The following KMT2C variants were observed in gnomAD, a reference collection of about 807,000 sequenced individuals.
KMT2C encodes the protein lysine methyltransferase 2C.
Under a neutral mutation model 507.9 loss-of-function variants are expected in KMT2C, and 88 were observed. The ratio of observed to expected loss-of-function variants is 0.17; its 90% CI spans 0.15 to 0.21. KMT2C has a LOEUF of 0.21. Ranked by LOEUF, KMT2C falls within the 10% of genes least tolerant of loss-of-function variation. The probability of loss-of-function intolerance (pLI) is 1.00; values close to 1 mark genes in which losing one functional copy is unlikely to be tolerated. For missense variants in KMT2C, 4,954 were observed against 5,957.8 expected (o/e 0.83, Z 5.55); for synonymous variants, 2,049 against 2,080.8 (o/e 0.98, Z 0.42).
chr7:152,337,934 G>T (rs2096953163), intron 2 of KMT2C, among the ~76,000 whole-genome samples: 2 of 151,436 alleles, frequency 1.3e-5, no homozygotes, highest in Non-Finnish European at 1.5e-5. Context: ...TCAGCTCACT[G>T]AAAGCTCTGC....
intron 1 of KMT2C, among the ~76,000 whole-genome samples, chr7:152,369,923 A>T (rs979969529): frequency 1.3e-5 from 2 of 152,180 alleles, no homozygotes; most frequent in African/African-American, 4.8e-5. Flanking sequence ...CATTAAAATG[A>T]CAATAAGGTT....
chr7:152,431,223 GTAAC>G (rs2097859838), intron 1 of KMT2C, among the ~76,000 whole-genome samples: 1 of 151,924 alleles, frequency 6.6e-6, no homozygotes, highest in Non-Finnish European at 1.5e-5. Flanking sequence ...TTACATATTA[GTAAC>G]TAATATGTAA....
At chr7:152,325,666 G>A (rs1029721456) in intron 3 of KMT2C, among the ~76,000 whole-genome samples, 10 of 151,602 alleles carry the variant, frequency 6.6e-5, no homozygotes, top group South Asian at 2.1e-4. Flanking sequence ...GGCTGGTCTC[G>A]AACTCCTGGG....
At chr7:152,425,240 T>C (rs2097804574) in intron 1 of KMT2C, among the ~76,000 whole-genome samples, 1 of 152,078 alleles carries the variant, frequency 6.6e-6, no homozygotes, top group Non-Finnish European at 1.5e-5. Context: ...CTATTAATAG[T>C]TCTAATATTC....
At chr7:152,419,011 T>C (rs560888947) in intron 1 of KMT2C, among the ~76,000 whole-genome samples, 17 of 152,042 alleles carry the variant, frequency 1.1e-4, no homozygotes, top group African/African-American at 4.1e-4. Flanking sequence ...CTGGGTGACA[T>C]AGTGAGACGA....
At chr7:152,392,914 G>C (rs539847685) in intron 1 of KMT2C, among the ~76,000 whole-genome samples, 4 of 152,312 alleles carry the variant, frequency 2.6e-5, no homozygotes, top group Non-Finnish European at 5.9e-5. Context: ...GGGCAACATA[G>C]TGATATCTTG....
chr7:152,159,534 T>C (rs568618169), intron 43 of KMT2C, among the ~76,000 whole-genome samples: 1 of 152,270 alleles, frequency 6.6e-6, no homozygotes, highest in Admixed American at 6.5e-5. Flanking sequence ...CAGAAAAGCT[T>C]TACAGCCTAT....
chr7:152,366,669 G>T (rs1482156307), intron 1 of KMT2C: 1 of 155,378 alleles, frequency 6.4e-6, no homozygotes. Context: ...CTATGAAAAT[G>T]GATAGTGTCT....
chr7:152,284,440 T>A (rs1443254664), intron 6 of KMT2C, among the ~76,000 whole-genome samples: 1 of 152,140 alleles, frequency 6.6e-6, no homozygotes, highest in Non-Finnish European at 1.5e-5. Context: ...CAAATTCTTT[T>A]ATCATATGTG....
At position 152,250,922 on chromosome 7, in the gene KMT2C, C is replaced by G; in HGVS notation, c.1666G>C (p.Val556Leu). The change falls in exon 12 of 59, where the codon GTA becomes CTA. Residue 556 changes from valine to leucine, a missense_variant. By Grantham distance (32) the Val-to-Leu change is conservative. Coordinates refer to ENST00000262189, the MANE Select transcript of KMT2C (RefSeq NM_170606.3). ...MEVEGPEDQM[V>L]FSEQAANKDV... ...TTATTAGCTGCCTGCTCTGAGAATA[C>G]CATTTGATCTTCAGGGCCTTCAACT... is the stretch of plus-strand genomic sequence containing the variant. The G allele has an allele frequency of 1.2e-6, 2 of 1,610,502 alleles. No homozygotes were observed. The highest frequency in any genetic ancestry group is 1.7e-6 in the Non-Finnish European group (2 of 1,176,846).
intron 2 of KMT2C, among the ~76,000 whole-genome samples, chr7:152,347,053 G>A (rs1164843895): frequency 6.6e-6 from 1 of 152,186 alleles, no homozygotes; most frequent in African/African-American, 2.4e-5. Context: ...GAACCCGGAA[G>A]GCAGAGGCTG....
intron 1 of KMT2C, among the ~76,000 whole-genome samples, chr7:152,375,404 G>A (rs1180805786): frequency 1.4e-5 from 2 of 146,424 alleles, no homozygotes; most frequent in African/African-American, 5.1e-5. Context: ...TTTTTTTTTT[G>A]AGACGGAGTC....
Position 152,136,593 on chromosome 7 carries a change from G to T in KMT2C, c.*239C>A. The T allele has an allele frequency of 2.0e-6, 1 of 494,318 alleles. No individual in the cohort carries two copies. Among genetic ancestry groups the T allele is most frequent in the Non-Finnish European group, 3.6e-6 (1 of 277,660 alleles). 30.6% of individuals were successfully genotyped at this position (494,318 alleles called of 1,614,324 possible). On this transcript the variant is annotated 3_prime_UTR_variant, in exon 59 of 59. Transcript: ENST00000262189. ...AAAAGGAAAAGAAAAAAAAGCAAAA[G>T]TGCTGGACCATTCTGTGATTCCGTT... is the stretch of plus-strand genomic sequence containing the variant.
At chr7:152,307,043 C>T (rs1429779050) in intron 6 of KMT2C, among the ~76,000 whole-genome samples, 2 of 151,752 alleles carry the variant, frequency 1.3e-5, no homozygotes, top group Non-Finnish European at 2.9e-5. Flanking sequence ...CCTGTGGTCC[C>T]GGATATTCGG....
chr7:152,209,747 A>G (rs2094409778), intron 23 of KMT2C, among the ~76,000 whole-genome samples: 1 of 151,378 alleles, frequency 6.6e-6, no homozygotes, highest in Admixed American at 6.6e-5. Context: ...CTCCTTTAAA[A>G]AAAAAAAAAA....
intron 1 of KMT2C, among the ~76,000 whole-genome samples, chr7:152,363,606 C>T (rs1169862062): frequency 6.6e-6 from 1 of 152,164 alleles, no homozygotes; most frequent in African/African-American, 2.4e-5. Flanking sequence ...TACCATGGCA[C>T]AGGCTTTCTG....
intron 33 of KMT2C, among the ~76,000 whole-genome samples, chr7:152,186,661 A>G (rs1028437044): frequency 4.6e-5 from 7 of 152,230 alleles, no homozygotes; most frequent in Non-Finnish European, 8.8e-5. Context: ...CTGAGTTTGA[A>G]TAACTTTTTC....
chr7:152,410,376 C>CACTCCAGCTTGGGCG lies in KMT2C; in HGVS notation c.161+25235_161+25249dup, dbSNP rs2097668558. On this transcript the variant is annotated intron_variant, in intron 1 of 58. Coordinates refer to ENST00000262189, the MANE Select transcript of KMT2C (RefSeq NM_170606.3). ...GCACTGAGTCAAGATCGCGCCCTCG[C>CACTCCAGCTTGGGCG]ACTCCAGCTTGGGCGACGGAGGAAG... Among the ~76,000 whole-genome samples, 2 of 150,176 alleles carry CACTCCAGCTTGGGCG rather than the reference C, an allele frequency of 1.3e-5. 1 individual carries two copies. Among genetic ancestry groups the CACTCCAGCTTGGGCG allele is most frequent in the African/African-American group, 4.9e-5 (2 of 40,690 alleles).
At chr7:152,197,319 AATAATT>A (rs760750494) in intron 27 of KMT2C, among the ~76,000 whole-genome samples, 19 of 152,210 alleles carry the variant, frequency 1.2e-4, no homozygotes, top group Non-Finnish European at 2.1e-4. Flanking sequence ...GGCTAGCTTT[AATAATT>A]ATATTAGTCA....
Sources: gnomAD v4.1 joint callset for allele counts (sites outside exome capture counted in the v4.1 genomes callset) on GRCh38, gnomAD v4.1.1 for gene constraint, MANE v1.5 for transcripts, NCBI Gene and HGNC (gene_info 2026-07-23, HGNC 2026-07-21) for gene names.